The following PTPRN2 variants were observed in gnomAD, a reference collection of about 807,000 sequenced individuals.
PTPRN2 encodes the protein receptor-type tyrosine-protein phosphatase N2.
PTPRN2 carries 74 observed loss-of-function variants against 118.8 expected under a neutral mutation model. That is an observed-to-expected ratio of 0.62 (90% CI 0.52 to 0.76). PTPRN2 has a LOEUF of 0.76. Among genes scored for constraint, PTPRN2 ranks in the 30% least tolerant of loss-of-function variants. PTPRN2 has a pLI of 0.00. For synonymous variants in PTPRN2, 641 were observed against 608.0 expected (o/e 1.05, Z -0.80); for missense variants, 1,481 against 1,394.4 (o/e 1.06, Z -0.99).
intron 10 of PTPRN2, among the ~76,000 whole-genome samples, chr7:158,109,644 ATGATG>A (rs1483275014): frequency 2.7e-5 from 4 of 148,328 alleles, no homozygotes; most frequent in East Asian, 2.1e-4. Flanking sequence ...GAGTGTCTGA[ATGATG>A]TCACCCCTGT....
chr7:158,231,949 G>A (rs995687791), intron 3 of PTPRN2, among the ~76,000 whole-genome samples: 2 of 152,042 alleles, frequency 1.3e-5, no homozygotes, highest in Admixed American at 6.6e-5. Flanking sequence ...TACAATCTAT[G>A]GGATACAATA....
chr7:157,819,998 C>G (rs909780466), intron 12 of PTPRN2, among the ~76,000 whole-genome samples: 52 of 151,464 alleles, frequency 3.4e-4, no homozygotes, highest in African/African-American at 1.2e-3. Flanking sequence ...CCCACACACA[C>G]AGAGGCACTC....
intron 12 of PTPRN2, among the ~76,000 whole-genome samples, chr7:157,761,867 T>TATCCAG (rs1176828146): frequency 6.6e-6 from 1 of 151,998 alleles, no homozygotes; most frequent in Non-Finnish European, 1.5e-5. Context: ...AAAGGGCTAA[T>TATCCAG]ATCCAGAATC....
intron 2 of PTPRN2, among the ~76,000 whole-genome samples, chr7:158,449,014 CA>C (rs1817918435): frequency 6.6e-6 from 1 of 152,208 alleles, no homozygotes; most frequent in African/African-American, 2.4e-5. Flanking sequence ...CCGTGACAGG[CA>C]GCACGTGCCC....
Position 158,351,945 on chromosome 7 carries a change from CGCTCCCCTCCTGTCCGCTCCCCTCCTG to C in PTPRN2, c.164-35040_164-35014del, listed in dbSNP as rs1379593190. On this transcript the variant is annotated intron_variant, in intron 2 of 22. Transcript: ENST00000389418. ...CCCTCCTGTCCGCTCCCCTCCTGAC[CGCTCCCCTCCTGTCCGCTCCCCTCCTG>C]ACCGCTCCCCTCCTGTCCGCTCCCC... 1.6e-3 allele frequency among the ~76,000 whole-genome samples: 181 copies of C among 115,398 alleles called. 7 individuals carry two copies. Among genetic ancestry groups the C allele is most frequent in the Middle Eastern group, 5.4e-3 (1 of 186 alleles). 75.7% of individuals were successfully genotyped at this position (115,398 alleles called of 152,430 possible).
intron 13 of PTPRN2, 121 bp downstream of exon 13, chr7:157,682,604 A>G: frequency 9.7e-7 from 1 of 1,029,934 alleles, no homozygotes. Flanking sequence ...CTCATAAAAG[A>G]CCCCAAACTA....
chr7:158,235,968 C>T (rs1371384323), intron 3 of PTPRN2, among the ~76,000 whole-genome samples: 4 of 152,180 alleles, frequency 2.6e-5, no homozygotes, highest in Non-Finnish European at 4.4e-5. Context: ...CTCCCAAAAC[C>T]ACCATTACGG....
intron 11 of PTPRN2, among the ~76,000 whole-genome samples, chr7:158,053,602 T>A (rs1468841179): frequency 6.6e-6 from 1 of 152,070 alleles, no homozygotes; most frequent in Non-Finnish European, 1.5e-5. Context: ...GTTCAATAGG[T>A]TTAATGTGGT....
intron 16 of PTPRN2, among the ~76,000 whole-genome samples, chr7:157,601,023 G>C (rs542575647): frequency 2.8e-4 from 43 of 152,336 alleles, no homozygotes; most frequent in Admixed American, 5.2e-4. Flanking sequence ...GGGAGTTTCA[G>C]AGTTGTCCTG....
chr7:158,025,633 T>A (rs1400573560), intron 11 of PTPRN2, among the ~76,000 whole-genome samples: 1 of 152,226 alleles, frequency 6.6e-6, no homozygotes, highest in Non-Finnish European at 1.5e-5. Flanking sequence ...TGATGGCTGG[T>A]GTATTTGTAT....
intron 3 of PTPRN2, among the ~76,000 whole-genome samples, chr7:158,315,350 C>T (rs533538042): frequency 4.6e-4 from 66 of 144,876 alleles, no homozygotes; most frequent in Non-Finnish European, 8.3e-4. Context: ...GAACCCGGGA[C>T]GCCCTCAAGG....
intron 11 of PTPRN2, among the ~76,000 whole-genome samples, chr7:158,071,456 T>TTGCTCGTGGTGGTG (rs1811624894): frequency 9.9e-5 from 2 of 20,184 alleles, no homozygotes; most frequent in African/African-American, 1.6e-4. Context: ...TGCTCGTGGT[T>TTGCTCGTGGTGGTG]GAGGTGCTCG....
chr7:158,271,338 C>G (rs181647710), intron 3 of PTPRN2, among the ~76,000 whole-genome samples: 1 of 152,202 alleles, frequency 6.6e-6, no homozygotes, highest in Admixed American at 6.5e-5. Context: ...ACTGAATATC[C>G]GACAATCGGC....
intron 11 of PTPRN2, among the ~76,000 whole-genome samples, chr7:158,020,100 C>A (rs1806760481): frequency 6.6e-6 from 1 of 152,222 alleles, no homozygotes; most frequent in Non-Finnish European, 1.5e-5. Context: ...CCTTGTTGAG[C>A]ATGGTTTGAA....
At chr7:158,253,813 A>T (rs1796844750) in intron 3 of PTPRN2, among the ~76,000 whole-genome samples, 1 of 152,250 alleles carries the variant, frequency 6.6e-6, no homozygotes, top group Non-Finnish European at 1.5e-5. Flanking sequence ...CGAGCTGGGC[A>T]ACAGATTCTC....
intron 7 of PTPRN2, among the ~76,000 whole-genome samples, chr7:158,137,007 C>A (rs541692458): frequency 1.3e-5 from 2 of 152,196 alleles, no homozygotes; most frequent in East Asian, 1.9e-4. Context: ...CCCATCGTAC[C>A]GAGCAGTTCA....
At chr7:157,934,231 T>G (rs1181271259) in intron 11 of PTPRN2, among the ~76,000 whole-genome samples, 1 of 152,236 alleles carries the variant, frequency 6.6e-6, no homozygotes, top group African/African-American at 2.4e-5. Flanking sequence ...TATCTTGTGG[T>G]GAGAGCTATT....
At position 157,945,868 on chromosome 7, in the gene PTPRN2, C is replaced by T. The variant is rs150056847; in HGVS notation, c.1724-47131G>A. On this transcript the variant is annotated intron_variant, in intron 11 of 22. Coordinates refer to ENST00000389418, the MANE Select transcript of PTPRN2 (RefSeq NM_002847.5). ...TGGCTTCAGTTGTCCCATCAGACGA[C>T]GGGTCACCAACAGCTGGGGCATTCT... is the stretch of plus-strand genomic sequence containing the variant. Among the ~76,000 whole-genome samples, 416 of 152,228 alleles carry T rather than the reference C, an allele frequency of 2.7e-3. 2 individuals are homozygous for T. Among genetic ancestry groups the T allele is most frequent in the African/African-American group, 8.8e-3 (366 of 41,534 alleles).
At chr7:157,721,458 T>C (rs1194313754) in intron 12 of PTPRN2, among the ~76,000 whole-genome samples, 1 of 152,234 alleles carries the variant, frequency 6.6e-6, no homozygotes, top group Non-Finnish European at 1.5e-5. Flanking sequence ...CGAGTGTCCA[T>C]GCCAAAGCAT....
Sources: gnomAD v4.1 joint callset for allele counts (sites outside exome capture counted in the v4.1 genomes callset) on GRCh38, gnomAD v4.1.1 for gene constraint, MANE v1.5 for transcripts, NCBI Gene and HGNC (gene_info 2026-07-23, HGNC 2026-07-21) for gene names.